The following EIF3CL variants were observed in gnomAD, a reference collection of about 807,000 sequenced individuals.
EIF3CL encodes eukaryotic translation initiation factor 3 subunit C-like protein.
For synonymous variants in EIF3CL, 2 were observed against 19.6 expected, an observed-to-expected ratio of 0.10 and a Z score of 2.37; for missense variants, 5 against 56.1, an observed-to-expected ratio of 0.09 and a Z score of 2.91.
chr16:28,410,787 C>CGG, the EIF3CL span, among the ~76,000 whole-genome samples: 18 of 124,536 alleles, frequency 1.4e-4, no homozygotes, highest in African/African-American at 6.3e-4. Flanking sequence ...TTTGTAGAGA[C>CGG]GGGGGGGGCC....
chr16:28,418,623 C>T, the EIF3CL span, among the ~76,000 whole-genome samples: 1 of 133,188 alleles, frequency 7.5e-6, no homozygotes, highest in Admixed American at 8.1e-5. Context: ...ATGCTAAACG[C>T]CTGCCCATTC....
At chr16:28,418,909 C>A in the EIF3CL span, among the ~76,000 whole-genome samples, 1 of 146,114 alleles carries the variant, frequency 6.8e-6, no homozygotes, top group Non-Finnish European at 1.5e-5. Context: ...GGATTACAGG[C>A]CTGAGCCACC....
chr16:28,425,994 A>G, the EIF3CL span, among the ~76,000 whole-genome samples: 1 of 107,918 alleles, frequency 9.3e-6, no homozygotes, highest in Admixed American at 1.1e-4. Flanking sequence ...AGGCAGGAGA[A>G]TCGCTTGAAC....
At chr16:28,410,780 G>A in the EIF3CL span, among the ~76,000 whole-genome samples, 1 of 143,740 alleles carries the variant, frequency 7.0e-6, no homozygotes, top group African/African-American at 2.6e-5. Context: ...TTTGTTTTTT[G>A]TAGAGACGGG....
At chr16:28,422,726 A>G in the EIF3CL span, among the ~76,000 whole-genome samples, 1 of 141,496 alleles carries the variant, frequency 7.1e-6, no homozygotes. Flanking sequence ...AATCCCAGCT[A>G]CTTGGGAGGC....
the EIF3CL span, among the ~76,000 whole-genome samples, chr16:28,423,988 ATT>A: frequency 4.1e-3 from 185 of 45,228 alleles, no homozygotes; most frequent in South Asian, 0.02. Context: ...CACCTGGCTA[ATT>A]TTTTTTTTTT....
chr16:28,424,293 AT>A, the EIF3CL span, among the ~76,000 whole-genome samples: 13 of 71,694 alleles, frequency 1.8e-4, 4 homozygotes, highest in East Asian at 8.5e-4. Flanking sequence ...CAGCCTATTT[AT>A]TTTTTTTTGA....
the EIF3CL span, among the ~76,000 whole-genome samples, chr16:28,417,196 G>A: frequency 4.8e-5 from 7 of 146,780 alleles, no homozygotes; most frequent in East Asian, 2.0e-4. Flanking sequence ...GAGGTGGGGG[G>A]GGTCAGCCCC....
At chr16:28,408,288 A>G (rs1194982098), upstream of EIF3CL, among the ~76,000 whole-genome samples, 1 of 75,044 alleles carries the variant, frequency 1.3e-5, no homozygotes, top group African/African-American at 4.5e-5. Flanking sequence ...TTATGAGTGT[A>G]GTAGGCTCTG....
chr16:28,417,752 C>T, the EIF3CL span, among the ~76,000 whole-genome samples: 2 of 137,020 alleles, frequency 1.5e-5, no homozygotes, highest in South Asian at 4.5e-4. Flanking sequence ...GACCTTCCCT[C>T]CACTATTGTC....
chr16:28,421,570 C>A, the EIF3CL span, among the ~76,000 whole-genome samples: 1 of 22,504 alleles, frequency 4.4e-5, no homozygotes, highest in African/African-American at 1.4e-4. Flanking sequence ...TTAATCCCAG[C>A]ACTTTGGGAG....
the EIF3CL span, chr16:28,414,316 A>G: frequency 3.4e-6 from 1 of 294,226 alleles, no homozygotes; most frequent in Non-Finnish European, 6.6e-6. Flanking sequence ...GAATCGCTTG[A>G]ACCCGGGAGG....
chr16:28,417,466 G>T, the EIF3CL span, among the ~76,000 whole-genome samples: 5 of 126,138 alleles, frequency 4.0e-5, no homozygotes, highest in African/African-American at 8.9e-5. Flanking sequence ...ATTTTGTTCT[G>T]CACTAAGAAA....
the EIF3CL span, among the ~76,000 whole-genome samples, chr16:28,415,804 C>T: frequency 5.0e-4 from 57 of 113,648 alleles, 8 homozygotes; most frequent in African/African-American, 1.8e-3. Context: ...CTCTCCCTCT[C>T]CCTCTCCCTC....
At chr16:28,419,190 T>A in the EIF3CL span, among the ~76,000 whole-genome samples, 2 of 150,566 alleles carry the variant, frequency 1.3e-5, no homozygotes, top group African/African-American at 5.0e-5. Flanking sequence ...GTATTTGTAG[T>A]AGAGATGGGG....
At chr16:28,387,081 TAC>T (rs994895936) in intron 15 of EIF3CL, among the ~76,000 whole-genome samples, 1 of 19,078 alleles carries the variant, frequency 5.2e-5, no homozygotes, top group African/African-American at 2.4e-4. Context: ...ATCATGCCAC[TAC>T]ACTCAGTCTA....
chr16:28,416,792 T>C, the EIF3CL span, among the ~76,000 whole-genome samples: 95 of 81,706 alleles, frequency 1.2e-3, 1 homozygote, highest in East Asian at 2.6e-3. Context: ...AGCCGCCCCG[T>C]CCGGGAGGTG....
chr16:28,418,688 G>A, the EIF3CL span, among the ~76,000 whole-genome samples: 4 of 151,828 alleles, frequency 2.6e-5, no homozygotes, highest in South Asian at 6.2e-4. Context: ...GGAGTACAGT[G>A]GTATGATCTC....
the EIF3CL span, among the ~76,000 whole-genome samples, chr16:28,417,846 CAAAT>C: frequency 0.21 from 27,411 of 128,136 alleles, 12 homozygotes; most frequent in South Asian, 0.34. Flanking sequence ...AAAAAAAACT[CAAAT>C]AAAGTTTGCA....
Sources: allele counts gnomAD v4.1 joint callset (sites outside exome capture counted in the v4.1 genomes callset), GRCh38; gene constraint gnomAD v4.1.1; transcripts MANE v1.5; gene names NCBI Gene and HGNC (gene_info 2026-07-23, HGNC 2026-07-21).